GLRA3: variants seen among roughly 807,000 people sequenced by gnomAD.
GLRA3 encodes the protein glycine receptor alpha 3.
Under a neutral mutation model 60.4 loss-of-function variants are expected in GLRA3, and 44 were observed. That is an observed-to-expected ratio of 0.73 (90% CI 0.57 to 0.94). The LOEUF (loss-of-function observed/expected upper bound fraction) is 0.94, where lower values mean the gene tolerates loss of function less well. Ranked by LOEUF, GLRA3 falls within the 40% of genes least tolerant of loss-of-function variation. GLRA3 has a pLI of 0.00. For synonymous variants in GLRA3, 223 were observed against 192.9 expected (o/e 1.16, Z -1.29); for missense variants, 508 against 564.6 (o/e 0.90, Z 1.02).
chr4:174,753,360 A>G (rs1389643149), intron 3 of GLRA3, among the ~76,000 whole-genome samples: 1 of 152,184 alleles, frequency 6.6e-6, no homozygotes, highest in East Asian at 1.9e-4. Context: ...GATTCAGCCT[A>G]AGAGCTGAAG....
intron 3 of GLRA3, among the ~76,000 whole-genome samples, chr4:174,762,107 T>C (rs540407279): frequency 2.0e-5 from 3 of 152,248 alleles, no homozygotes; most frequent in African/African-American, 7.2e-5. Context: ...CATTTAGAAG[T>C]AAATATAAAT....
intron 1 of GLRA3, among the ~76,000 whole-genome samples, chr4:174,815,008 C>T (rs967382940): frequency 4.6e-5 from 7 of 152,138 alleles, no homozygotes; most frequent in African/African-American, 1.2e-4. Context: ...TCCCTTCTGC[C>T]CAGGAGCCTG....
At chr4:174,681,425 C>T (rs919234309) in intron 6 of GLRA3, among the ~76,000 whole-genome samples, 4 of 152,124 alleles carry the variant, frequency 2.6e-5, no homozygotes, top group East Asian at 1.9e-4. Context: ...ATGAAATTGT[C>T]CTGGATAAGA....
At chr4:174,645,557 G>T (rs1400254046) in intron 9 of GLRA3, among the ~76,000 whole-genome samples, 1 of 152,014 alleles carries the variant, frequency 6.6e-6, no homozygotes, top group African/African-American at 2.4e-5. Context: ...CAAAATTGAT[G>T]CAGTAAGGTA....
At chr4:174,714,379 A>C (rs1201497916) in intron 5 of GLRA3, among the ~76,000 whole-genome samples, 3 of 150,374 alleles carry the variant, frequency 2.0e-5, no homozygotes, top group Non-Finnish European at 3.0e-5. Context: ...ATTGCTAAGT[A>C]GCCCCCCAAA....
intron 7 of GLRA3, among the ~76,000 whole-genome samples, chr4:174,663,446 A>G (rs1348483223): frequency 1.3e-5 from 2 of 152,202 alleles, no homozygotes; most frequent in African/African-American, 4.8e-5. Flanking sequence ...CTGAATCCAT[A>G]ATGACATGAA....
chr4:174,757,405 A>G (rs527937244), intron 3 of GLRA3, among the ~76,000 whole-genome samples: 2 of 152,312 alleles, frequency 1.3e-5, no homozygotes, highest in African/African-American at 4.8e-5. Context: ...CAATTAAAAG[A>G]AAAAGAATTC....
At chr4:174,745,428 T>A (rs1339141228) in intron 3 of GLRA3, among the ~76,000 whole-genome samples, 2 of 152,114 alleles carry the variant, frequency 1.3e-5, no homozygotes, top group East Asian at 3.9e-4. Flanking sequence ...GTAGTTACCG[T>A]CAGACTAACA....
intron 5 of GLRA3, among the ~76,000 whole-genome samples, chr4:174,695,976 A>C (rs1454062817): frequency 6.6e-6 from 1 of 152,146 alleles, no homozygotes; most frequent in Non-Finnish European, 1.5e-5. Context: ...TCAGAAAGGC[A>C]ATTCAATTTA....
chr4:174,642,400 A>T lies in GLRA3; in HGVS notation c.*1386T>A. 1 of 966,064 alleles carries T rather than the reference A, an allele frequency of 1.0e-6. No individual in the cohort carries two copies. Among genetic ancestry groups the T allele is most frequent in the Non-Finnish European group, 1.2e-6 (1 of 812,422 alleles). The allele number at this position is 966,064 out of a possible 1,614,324, so 59.8% of individuals were successfully genotyped here. The stretch of plus-strand genomic sequence containing the variant: ...TTTGTGCATCTGACCAATAATTAAA[A>T]TACCTAAAAAGCATTCCAAAGCTTT... On this transcript the variant is annotated 3_prime_UTR_variant, in exon 10 of 10. Transcript: ENST00000274093.
chr4:174,690,285 A>C (rs976344352), intron 5 of GLRA3, among the ~76,000 whole-genome samples: 1 of 152,198 alleles, frequency 6.6e-6, no homozygotes, highest in Non-Finnish European at 1.5e-5. Context: ...TTAATATCCA[A>C]TTGAAAATCA....
intron 5 of GLRA3, among the ~76,000 whole-genome samples, chr4:174,700,095 G>A (rs965843090): frequency 6.6e-6 from 1 of 152,116 alleles, no homozygotes; most frequent in Non-Finnish European, 1.5e-5. Flanking sequence ...TTCTAATGGA[G>A]ATGACAGAAA....
chr4:174,723,957 A>G (rs1202859869), intron 4 of GLRA3, among the ~76,000 whole-genome samples: 7 of 151,640 alleles, frequency 4.6e-5, no homozygotes, highest in East Asian at 1.9e-4. Context: ...CACTATTCCT[A>G]TTCATTTCTA....
chr4:174,733,605 A>T (rs1325764675), intron 3 of GLRA3, among the ~76,000 whole-genome samples: 1 of 152,168 alleles, frequency 6.6e-6, no homozygotes, highest in Non-Finnish European at 1.5e-5. Flanking sequence ...ACTAGAAACC[A>T]TCTCTATAGC....
chr4:174,640,866 G>C lies in GLRA3; in HGVS notation c.*2920C>G, dbSNP rs879509525. The C allele has an allele frequency of 1.3e-5, 2 of 151,986 alleles. No individual in the cohort carries two copies. The highest frequency in any genetic ancestry group is 2.9e-5 in the Non-Finnish European group (2 of 67,928). The allele number at this position is 151,986 out of a possible 1,614,324, so 9.4% of individuals were successfully genotyped here. ...AATATAGCCACTGAGAGTTGGATGG[G>C]GTCTCCAGCGCCATGGAGAAACTTT... On this transcript the variant is annotated 3_prime_UTR_variant, in exon 10 of 10. Coordinates refer to ENST00000274093, the MANE Select transcript of GLRA3 (RefSeq NM_006529.4).
intron 1 of GLRA3, among the ~76,000 whole-genome samples, chr4:174,811,453 G>C (rs963748141): frequency 2.0e-5 from 3 of 151,994 alleles, no homozygotes; most frequent in Non-Finnish European, 2.9e-5. Flanking sequence ...TTGCCAAAGG[G>C]AATTTTATCA....
chr4:174,729,273 T>C (rs911082339), intron 3 of GLRA3, among the ~76,000 whole-genome samples: 1 of 152,222 alleles, frequency 6.6e-6, no homozygotes, highest in Non-Finnish European at 1.5e-5. Context: ...TTAGTAGATA[T>C]CCAATAACAT....
rs147510841 is a variant in GLRA3, at chr4:174,818,909, T to C, written c.71+9832A>G. On this transcript the variant is annotated intron_variant, in intron 1 of 9. Transcript: ENST00000274093. Reference sequence around the variant, plus strand: ...AAAATAGTTAATGCATATTAGATTGTTTTGTTATTAATAAGAAAGTAATTT... The same window carrying C: ...AAAATAGTTAATGCATATTAGATTGCTTTGTTATTAATAAGAAAGTAATTT... Among the ~76,000 whole-genome samples the C allele has an allele frequency of 3.4e-3, 515 of 152,330 alleles. 1 individual carries two copies. The highest frequency in any genetic ancestry group is 0.012 in the African/African-American group (486 of 41,584).
intron 1 of GLRA3, among the ~76,000 whole-genome samples, chr4:174,804,677 T>G (rs1218879556): frequency 6.6e-6 from 1 of 152,124 alleles, no homozygotes; most frequent in Non-Finnish European, 1.5e-5. Flanking sequence ...AGAATGAGGT[T>G]AAGAGTGGAA....
Sources: allele counts gnomAD v4.1 joint callset (sites outside exome capture counted in the v4.1 genomes callset), GRCh38; gene constraint gnomAD v4.1.1; transcripts MANE v1.5; gene names NCBI Gene and HGNC (gene_info 2026-07-23, HGNC 2026-07-21).